AMD1: variants seen among roughly 807,000 people sequenced by gnomAD.
The protein encoded by AMD1 is S-adenosylmethionine decarboxylase proenzyme.
Under a neutral mutation model 40.2 loss-of-function variants are expected in AMD1, and 11 were observed. That is an observed-to-expected ratio of 0.27 (90% confidence interval 0.17 to 0.45). The LOEUF is 0.45. AMD1 is among the 20% of genes least tolerant of loss of function. The probability of loss-of-function intolerance (pLI) is 1.00; values close to 1 mark genes in which losing one functional copy is unlikely to be tolerated. For missense variants in AMD1, 257 were observed against 410.2 expected (o/e 0.63, Z 3.23); for synonymous variants, 121 against 130.8 (o/e 0.93, Z 0.51).
In AMD1 at chr6:110,892,389, A is replaced by C; in HGVS notation, c.561A>C (p.Ala187=). The C allele has an allele frequency of 6.2e-7, 1 of 1,612,704 alleles. No homozygotes were observed. Among genetic ancestry groups the C allele is most frequent in the African/African-American group, 1.3e-5 (1 of 75,012 alleles). Residue 187 remains alanine, a synonymous_variant, in exon 6 of 9, where the codon GCA becomes GCC. Transcript: ENST00000368885. Reference sequence around the variant, plus strand: ...TTCTGATGAGTGAGCTTGACCCAGCAGTTATGGACCAGTTCTACATGAAAG... The same window carrying C: ...TTCTGATGAGTGAGCTTGACCCAGCCGTTATGGACCAGTTCTACATGAAAG... ...LEILMSELDP[A]VMDQFYMKDG...
Position 110,895,475 on chromosome 6 carries a change from G to T in AMD1, c.*1859G>T, listed in dbSNP as rs1315173758. 4.8e-5 allele frequency: 7 copies of T among 146,200 alleles called. No homozygotes were observed. Among genetic ancestry groups the T allele is most frequent in the Non-Finnish European group, 9.0e-5 (6 of 66,522 alleles). The allele number at this position is 146,200 out of a possible 1,614,324, so 9.1% of individuals were successfully genotyped here. A position where few individuals can be genotyped will look rare whatever the true frequency, so the allele number is the denominator to read the frequency against. ...TTTTTGTTTTGTTTTGTTTTGTTTTGTTTCCAATAGAATTAAGAATTCTAA... is the reference window on the plus strand; with the variant it reads ...TTTTTGTTTTGTTTTGTTTTGTTTTTTTTCCAATAGAATTAAGAATTCTAA... On this transcript the variant is annotated 3_prime_UTR_variant, in exon 9 of 9. Transcript: ENST00000368885.
chr6:110,885,975 C>T (rs896143153), intron 1 of AMD1, among the ~76,000 whole-genome samples: 6 of 152,176 alleles, frequency 3.9e-5, no homozygotes, highest in Non-Finnish European at 8.8e-5. Flanking sequence ...GATTTGCCGG[C>T]TGGGCACGGT....
At chr6:110,883,920 A>G (rs1329425133) in intron 1 of AMD1, among the ~76,000 whole-genome samples, 1 of 152,122 alleles carries the variant, frequency 6.6e-6, no homozygotes, top group African/African-American at 2.4e-5. Context: ...TAGTGGATGA[A>G]GAAGAGTCCT....
chr6:110,871,515 T>C (rs954040009), upstream of AMD1, among the ~76,000 whole-genome samples: 2 of 152,044 alleles, frequency 1.3e-5, no homozygotes, highest in Non-Finnish European at 2.9e-5. Context: ...CAGGAAAGAG[T>C]GGAATCATTG....
chr6:110,835,340 T>A, the AMD1 span, among the ~76,000 whole-genome samples: 2 of 152,102 alleles, frequency 1.3e-5, no homozygotes, highest in Admixed American at 1.3e-4. Context: ...TATATGATAC[T>A]ACATAAAAAC....
chr6:110,887,672 A>G (rs1336926228), intron 2 of AMD1, 81 bp downstream of exon 2: 35 of 1,033,092 alleles, frequency 3.4e-5, no homozygotes, highest in Non-Finnish European at 4.7e-5. Context: ...TCTCAGTTGT[A>G]GTTCTGGGGG....
the AMD1 span, among the ~76,000 whole-genome samples, chr6:110,841,791 T>TTTTATTTA: frequency 4.6e-5 from 7 of 151,750 alleles, no homozygotes; most frequent in Middle Eastern, 3.4e-3. Flanking sequence ...ATTTGTTTTA[T>TTTTATTTA]TTTATTTATT....
At position 110,890,363 on chromosome 6, in the gene AMD1, T is replaced by A; in HGVS notation, c.427+7T>A. The A allele has an allele frequency of 6.4e-7, 1 of 1,556,472 alleles. No homozygotes were observed. Among genetic ancestry groups the A allele is most frequent in the Non-Finnish European group, 8.7e-7 (1 of 1,145,132 alleles). ...CTTAATGCAATTTTCCCAAGTAAGT[T>A]TAAATAAAATATAAACCTGTTGTCT... is the stretch of plus-strand genomic sequence containing the variant. On this transcript the variant is annotated splice_region_variant and intron_variant, in intron 4 of 8. Coordinates refer to ENST00000368885, the MANE Select transcript of AMD1 (RefSeq NM_001634.6).
intron 6 of AMD1, 62 bp from the exon 7 acceptor site, chr6:110,892,673 T>C (rs1786088904): frequency 3.8e-6 from 6 of 1,578,000 alleles, no homozygotes; most frequent in Non-Finnish European, 4.3e-6. Context: ...GGACTAAATT[T>C]TGGACTCAAT....
At chr6:110,890,430 G>T in intron 4 of AMD1, 74 bp downstream of exon 4, 1 of 1,057,862 alleles carries the variant, frequency 9.5e-7, no homozygotes, top group South Asian at 1.4e-5. Flanking sequence ...CTTTCTATAT[G>T]AGAGCATACT....
At chr6:110,839,304 A>G in the AMD1 span, among the ~76,000 whole-genome samples, 1 of 152,204 alleles carries the variant, frequency 6.6e-6, no homozygotes, top group Non-Finnish European at 1.5e-5. Context: ...GTCAACTAAC[A>G]TTTATTGCCT....
At chr6:110,860,599 G>A in the AMD1 span, among the ~76,000 whole-genome samples, 5 of 151,630 alleles carry the variant, frequency 3.3e-5, no homozygotes, top group African/African-American at 4.9e-5. Context: ...AGGAGTTCGC[G>A]ACCAACCTGC....
intron 2 of AMD1, 31 bp from the exon 3 acceptor site, chr6:110,888,823 ATTG>A: frequency 6.3e-7 from 1 of 1,599,480 alleles, no homozygotes. Context: ...GTACATTAGT[ATTG>A]TTATAATATT....
At chr6:110,859,506 A>G in the AMD1 span, among the ~76,000 whole-genome samples, 1 of 152,172 alleles carries the variant, frequency 6.6e-6, no homozygotes, top group Non-Finnish European at 1.5e-5. Context: ...GTGTCAGCCA[A>G]TCAGTTTGTG....
intron 1 of AMD1, among the ~76,000 whole-genome samples, chr6:110,878,643 A>T (rs1295514084): frequency 2.0e-5 from 3 of 152,200 alleles, no homozygotes; most frequent in Non-Finnish European, 4.4e-5. Flanking sequence ...CCATTTAAAA[A>T]ATGGTTTAGT....
the AMD1 span, among the ~76,000 whole-genome samples, chr6:110,862,337 T>G: frequency 4.0e-5 from 6 of 151,522 alleles, no homozygotes; most frequent in Non-Finnish European, 7.4e-5. Flanking sequence ...TCTGTTTTTT[T>G]TTTTTTTTTA....
At chr6:110,839,784 A>G in the AMD1 span, among the ~76,000 whole-genome samples, 2 of 152,258 alleles carry the variant, frequency 1.3e-5, no homozygotes, top group Non-Finnish European at 2.9e-5. Flanking sequence ...ATTGGAGCTT[A>G]GGCTATTGTG....
the AMD1 span, among the ~76,000 whole-genome samples, chr6:110,820,858 G>T: frequency 6.6e-6 from 1 of 152,034 alleles, no homozygotes; most frequent in African/African-American, 2.4e-5. Flanking sequence ...AGCTGAGATC[G>T]TGCCACAGCA....
At chr6:110,850,454 C>CA in the AMD1 span, among the ~76,000 whole-genome samples, 2 of 152,152 alleles carry the variant, frequency 1.3e-5, no homozygotes, top group African/African-American at 4.8e-5. Context: ...TTTCCAAAGG[C>CA]AGTAACCTTG....
Sources: gnomAD v4.1 joint callset for allele counts (sites outside exome capture counted in the v4.1 genomes callset) on GRCh38, gnomAD v4.1.1 for gene constraint, MANE v1.5 for transcripts, NCBI Gene and HGNC (gene_info 2026-07-23, HGNC 2026-07-21) for gene names.